LRMDA: variants seen among roughly 807,000 people sequenced by gnomAD.
LRMDA encodes the protein leucine-rich melanocyte differentiation-associated protein.
LRMDA carries 18 observed loss-of-function variants against 29.8 expected under a neutral mutation model. The observed-to-expected ratio is 0.60, with a 90% CI of 0.42 to 0.90. The LOEUF (loss-of-function observed/expected upper bound fraction) is 0.90, where lower values mean the gene tolerates loss of function less well. Ranked by LOEUF, LRMDA falls within the 40% of genes least tolerant of loss-of-function variation. LRMDA has a pLI of 0.00. For synonymous variants in LRMDA, 125 were observed against 109.4 expected (o/e 1.14, Z -0.89); for missense variants, 273 against 273.9 (o/e 1.00, Z 0.02).
chr10:76,216,990 T>G (rs893909421), intron 5 of LRMDA, among the ~76,000 whole-genome samples: 12 of 152,052 alleles, frequency 7.9e-5, no homozygotes, highest in African/African-American at 2.7e-4. Context: ...AGGTAGAAAG[T>G]GAAAAACAAA....
chr10:76,286,235 C>T (rs551960304), intron 5 of LRMDA, among the ~76,000 whole-genome samples: 2 of 152,242 alleles, frequency 1.3e-5, no homozygotes, highest in East Asian at 3.9e-4. Flanking sequence ...TCATTAGATG[C>T]CCTACTTTAC....
chr10:75,556,714 T>TA (rs1554899910), intron 2 of LRMDA, among the ~76,000 whole-genome samples: 7 of 81,920 alleles, frequency 8.5e-5, no homozygotes, highest in Admixed American at 5.8e-4. Context: ...ACCTGAAGCA[T>TA]AAGGGGTGGG....
At chr10:75,978,906 T>C (rs1464578630) in intron 2 of LRMDA, among the ~76,000 whole-genome samples, 2 of 152,210 alleles carry the variant, frequency 1.3e-5, no homozygotes, top group African/African-American at 4.8e-5. Context: ...TGCCGGCATA[T>C]AGAGATGAGC....
At chr10:76,228,888 T>G (rs922325564) in intron 5 of LRMDA, among the ~76,000 whole-genome samples, 9 of 152,218 alleles carry the variant, frequency 5.9e-5, no homozygotes, top group African/African-American at 2.2e-4. Flanking sequence ...CAAGGCCTAT[T>G]ATTTAAACTA....
At chr10:76,436,778 G>A (rs141609297) in intron 6 of LRMDA, among the ~76,000 whole-genome samples, 1 of 152,304 alleles carries the variant, frequency 6.6e-6, no homozygotes, top group African/African-American at 2.4e-5. Flanking sequence ...CAGTACGGTT[G>A]AGTGACCTTC....
chr10:75,686,469 TC>T (rs1842083110), intron 2 of LRMDA, among the ~76,000 whole-genome samples: 1 of 152,182 alleles, frequency 6.6e-6, no homozygotes, highest in Non-Finnish European at 1.5e-5. Flanking sequence ...ATGGCTGTCT[TC>T]CCAACCAGAC....
chr10:75,657,486 C>T (rs1229946212), intron 2 of LRMDA, among the ~76,000 whole-genome samples: 1 of 152,204 alleles, frequency 6.6e-6, no homozygotes, highest in Non-Finnish European at 1.5e-5. Flanking sequence ...CAGGCAAGCA[C>T]TAATGCTAGA....
rs112074234 is a variant in LRMDA, at chr10:75,452,815, T to C, written c.131+14321T>C. On this transcript the variant is annotated intron_variant, in intron 2 of 6. Transcript: ENST00000611255. ...TGTGGAATTCAGTTTTCCAACTGCA[T>C]TAAAAAAGCTGCCTGTATTTTATTT... 7.9e-3 allele frequency among the ~76,000 whole-genome samples: 1,198 copies of C among 152,324 alleles called. 19 individuals carry two copies. Among genetic ancestry groups the C allele is most frequent in the African/African-American group, 0.027 (1,107 of 41,576 alleles).
chr10:75,809,927 G>A (rs1843927166), intron 2 of LRMDA, among the ~76,000 whole-genome samples: 1 of 152,194 alleles, frequency 6.6e-6, no homozygotes, highest in Non-Finnish European at 1.5e-5. Context: ...TATGGTGAGT[G>A]GTGGCAGCAG....
intron 2 of LRMDA, among the ~76,000 whole-genome samples, chr10:75,916,156 C>T (rs1165044062): frequency 1.6e-5 from 2 of 128,034 alleles, no homozygotes; most frequent in Non-Finnish European, 1.7e-5. Flanking sequence ...ATGGCCATTG[C>T]CAGGCCTATG....
chr10:76,303,409 C>T (rs1227358694), intron 5 of LRMDA, among the ~76,000 whole-genome samples: 1 of 152,044 alleles, frequency 6.6e-6, no homozygotes, highest in East Asian at 1.9e-4. Flanking sequence ...AGGTTTTGTT[C>T]TGAGTCTTTT....
intron 2 of LRMDA, among the ~76,000 whole-genome samples, chr10:75,788,147 G>A (rs1843504663): frequency 6.6e-6 from 1 of 152,264 alleles, no homozygotes; most frequent in Non-Finnish European, 1.5e-5. Context: ...GTTGCAGTGA[G>A]CTGAGATTGT....
chr10:76,255,946 GA>G (rs1852586466), intron 5 of LRMDA, among the ~76,000 whole-genome samples: 1 of 152,174 alleles, frequency 6.6e-6, no homozygotes. Context: ...ACATTCAATG[GA>G]AATAGGTTTA....
At chr10:76,053,590 G>C (rs1848564600) in intron 4 of LRMDA, among the ~76,000 whole-genome samples, 1 of 152,146 alleles carries the variant, frequency 6.6e-6, no homozygotes, top group Non-Finnish European at 1.5e-5. Context: ...AAGGGAAATA[G>C]ATCTCCCAGG....
rs3998122 is a variant in LRMDA at position 76,353,330 on chromosome 10, T to TTGTGTGTGTG, written c.601+28868_601+28877dup. 5.8e-3 allele frequency among the ~76,000 whole-genome samples: 847 copies of TTGTGTGTGTG among 146,262 alleles called. 8 individuals are homozygous for TTGTGTGTGTG. The highest frequency in any genetic ancestry group is 0.02 in the African/African-American group (788 of 39,360). On this transcript the variant is annotated intron_variant, in intron 6 of 6. Coordinates refer to ENST00000611255, the MANE Select transcript of LRMDA (RefSeq NM_001305581.2). ...ATTTGCAATTCTCTGAGCTGTGGAGTTGTGTGTGTGTGTGTGTGTGTGTGT... is the reference window on the plus strand; with the variant it reads ...ATTTGCAATTCTCTGAGCTGTGGAGTTGTGTGTGTGTGTGTGTGTGTGTGTGTGTGTGTGT...
chr10:75,647,093 C>T (rs1270386575), intron 2 of LRMDA, among the ~76,000 whole-genome samples: 1 of 152,134 alleles, frequency 6.6e-6, no homozygotes, highest in Non-Finnish European at 1.5e-5. Flanking sequence ...GCTGCTTTTC[C>T]CCCGGACCTC....
Position 76,361,860 on chromosome 10 carries a change from C to T in LRMDA, c.601+37375C>T, listed in dbSNP as rs183837652. On this transcript the variant is annotated intron_variant, in intron 6 of 6. Transcript: ENST00000611255. ...TCTACCATCCATTTTCTCCTTGTAC[C>T]AGTGATAATGGTTCCTTGGTGTGCT... is the stretch of plus-strand genomic sequence containing the variant. Among the ~76,000 whole-genome samples the T allele has an allele frequency of 2.3e-3, 346 of 152,212 alleles. 1 individual carries two copies. Among genetic ancestry groups the T allele is most frequent in the Non-Finnish European group, 4.0e-3 (269 of 68,010 alleles).
At chr10:76,368,052 C>G (rs1423015442) in intron 6 of LRMDA, among the ~76,000 whole-genome samples, 31 of 151,948 alleles carry the variant, frequency 2.0e-4, no homozygotes, top group Non-Finnish European at 5.9e-5. Flanking sequence ...AAAGAACCTG[C>G]CTTTTGTTTC....
chr10:76,365,107 T>TATATATATATATACACAC (rs141131236), intron 6 of LRMDA, among the ~76,000 whole-genome samples: 1,832 of 60,956 alleles, frequency 0.03, 50 homozygotes, highest in Non-Finnish European at 0.045. Context: ...TATATATATA[T>TATATATATATATACACAC]ACACACACAC....
Sources: allele counts gnomAD v4.1 joint callset (sites outside exome capture counted in the v4.1 genomes callset), GRCh38; gene constraint gnomAD v4.1.1; transcripts MANE v1.5; gene names NCBI Gene and HGNC (gene_info 2026-07-23, HGNC 2026-07-21).